SGSM1: variants seen among roughly 807,000 people sequenced by gnomAD.
SGSM1 encodes the protein RUN and TBC1 domain containing 2.
A neutral mutation model predicts 133.8 loss-of-function variants in SGSM1; 73 were observed. That is an observed-to-expected ratio of 0.55 (90% confidence interval 0.45 to 0.66). The LOEUF (loss-of-function observed/expected upper bound fraction) is 0.66. Among genes scored for constraint, SGSM1 ranks in the 30% least tolerant of loss-of-function variants. The pLI, the probability that SGSM1 is intolerant of heterozygous loss-of-function variation, is 0.00. For synonymous variants in SGSM1, 563 were observed against 573.0 expected, an observed-to-expected ratio of 0.98 and a Z score of 0.25; for missense variants, 1,213 against 1,448.1, an observed-to-expected ratio of 0.84 and a Z score of 2.64.
intron 16 of SGSM1, among the ~76,000 whole-genome samples, chr22:24,891,890 G>T (rs929291564): frequency 3.3e-5 from 5 of 152,144 alleles, no homozygotes; most frequent in Admixed American, 6.6e-5. Flanking sequence ...AGGTCTGGAG[G>T]GGAGACCAGC....
chr22:24,912,266 T>G (rs1933655281), intron 21 of SGSM1, among the ~76,000 whole-genome samples: 2 of 152,234 alleles, frequency 1.3e-5, no homozygotes, highest in Admixed American at 1.3e-4. Context: ...GTGTCCGTAT[T>G]GGTTCAACAA....
chr22:24,840,775 A>G (rs1277983283), intron 2 of SGSM1, among the ~76,000 whole-genome samples: 1 of 151,554 alleles, frequency 6.6e-6, no homozygotes, highest in Non-Finnish European at 1.5e-5. Context: ...TCCAGCTGTA[A>G]GTTCCTTCTT....
chr22:24,856,984 G>A (rs1230652396), intron 8 of SGSM1, among the ~76,000 whole-genome samples: 1 of 151,742 alleles, frequency 6.6e-6, no homozygotes, highest in South Asian at 2.1e-4. Context: ...TAGCCAGGAT[G>A]GTATCAATCT....
At chr22:24,890,983 G>T (rs1331754976) in intron 16 of SGSM1, among the ~76,000 whole-genome samples, 1 of 152,182 alleles carries the variant, frequency 6.6e-6, no homozygotes, top group East Asian at 1.9e-4. Flanking sequence ...TAAACGAGAA[G>T]CCAGTATAAC....
intron 4 of SGSM1, among the ~76,000 whole-genome samples, chr22:24,848,286 A>G (rs1220985935): frequency 6.6e-6 from 1 of 152,052 alleles, no homozygotes; most frequent in African/African-American, 2.4e-5. Context: ...AGTGCCTGCT[A>G]GGACCCACGG....
chr22:24,838,533 A>G (rs1000983187), intron 2 of SGSM1, among the ~76,000 whole-genome samples: 1 of 152,324 alleles, frequency 6.6e-6, no homozygotes, highest in East Asian at 1.9e-4. Context: ...TGAGGAAGGA[A>G]CTCAGATAAA....
At chr22:24,823,813 G>A (rs1290021060) in intron 2 of SGSM1, among the ~76,000 whole-genome samples, 1 of 151,948 alleles carries the variant, frequency 6.6e-6, no homozygotes, top group Non-Finnish European at 1.5e-5. Context: ...GGGAGGCTGA[G>A]GCGGGAGGAT....
intron 23 of SGSM1, among the ~76,000 whole-genome samples, chr22:24,918,731 T>C (rs1933904950): frequency 1.3e-5 from 2 of 149,888 alleles, no homozygotes; most frequent in African/African-American, 4.9e-5. Flanking sequence ...TTGCTTTTCT[T>C]TTTTTTTTTC....
chr22:24,870,132 G>A (rs1018730827), intron 12 of SGSM1, among the ~76,000 whole-genome samples: 3 of 152,188 alleles, frequency 2.0e-5, no homozygotes, highest in Non-Finnish European at 2.9e-5. Context: ...CCCCTTAAGC[G>A]CTACAGTGTC....
At chr22:24,920,742 G>C (rs1933976984) in intron 24 of SGSM1, among the ~76,000 whole-genome samples, 1 of 152,210 alleles carries the variant, frequency 6.6e-6, no homozygotes, top group African/African-American at 2.4e-5. Flanking sequence ...CTTAATTTAA[G>C]TAAACTTTTT....
intron 15 of SGSM1, 50 bp downstream of exon 15, chr22:24,884,248 G>T (rs753714316): frequency 3.2e-6 from 5 of 1,562,626 alleles, no homozygotes; most frequent in Middle Eastern, 3.4e-4. Context: ...CTGCAGGGGG[G>T]TCATCTTATT....
intron 2 of SGSM1, among the ~76,000 whole-genome samples, chr22:24,818,065 C>CACATGATGAAACCCTG (rs1316908577): frequency 6.6e-6 from 1 of 151,568 alleles, no homozygotes; most frequent in African/African-American, 2.4e-5. Context: ...AACCCTGTCT[C>CACATGATGAAACCCTG]TACTGAAAAT....
intron 12 of SGSM1, among the ~76,000 whole-genome samples, chr22:24,869,663 C>G (rs1931668172): frequency 6.6e-6 from 1 of 152,166 alleles, no homozygotes; most frequent in African/African-American, 2.4e-5. Flanking sequence ...CATTGTAGAG[C>G]CCATAGAGTA....
In SGSM1 at chr22:24,917,714, C is replaced by T. The variant is rs1360013660; in HGVS notation, c.2985C>T (p.Phe995=). 1.2e-6 allele frequency: 2 copies of T among 1,613,982 alleles called. No individual in the cohort carries two copies. The highest frequency in any genetic ancestry group is 1.7e-6 in the Non-Finnish European group (2 of 1,179,954). The change falls in exon 23 of 25, where the codon TTC becomes TTT. Residue 995 remains phenylalanine, a synonymous_variant. Coordinates refer to ENST00000400358, the MANE Select transcript of SGSM1 (RefSeq NM_001098497.3). ...ATCAGAACGGGGACTATACTCACTT[C>T]TACTTCTGCTACCGCTGGTTCCTGC... The part of the protein sequence containing the change: ...LMHQNGDYTH[F]YFCYRWFLLD...
At chr22:24,844,529 A>G in intron 2 of SGSM1, 1 of 170,016 alleles carries the variant, frequency 5.9e-6, no homozygotes, top group Non-Finnish European at 1.2e-5. Context: ...TCCGTCTAAA[A>G]AAAAAAAGAA....
intron 2 of SGSM1, among the ~76,000 whole-genome samples, chr22:24,818,567 T>C (rs2147789856): frequency 6.6e-6 from 1 of 151,864 alleles, no homozygotes; most frequent in South Asian, 2.1e-4. Context: ...GGGTTTCACC[T>C]TGTTGGTCAG....
At chr22:24,825,976 C>G (rs576552780) in intron 2 of SGSM1, among the ~76,000 whole-genome samples, 1 of 151,978 alleles carries the variant, frequency 6.6e-6, no homozygotes, top group Non-Finnish European at 1.5e-5. Flanking sequence ...ACAGCTGGCC[C>G]GGGTGATTTT....
chr22:24,853,731 C>T (rs371639734), intron 5 of SGSM1, among the ~76,000 whole-genome samples: 232 of 151,288 alleles, frequency 1.5e-3, no homozygotes, highest in African/African-American at 5.5e-3. Flanking sequence ...CTCAGCCTCC[C>T]GAGTAGCTGG....
intron 9 of SGSM1, among the ~76,000 whole-genome samples, chr22:24,865,405 GAC>G (rs1931391193): frequency 6.6e-6 from 1 of 152,178 alleles, no homozygotes; most frequent in South Asian, 2.1e-4. Flanking sequence ...GTCCTCGAAG[GAC>G]ATTTACTTCC....
Sources: gnomAD v4.1 joint callset for allele counts (sites outside exome capture counted in the v4.1 genomes callset) on GRCh38, gnomAD v4.1.1 for gene constraint, MANE v1.5 for transcripts, NCBI Gene and HGNC (gene_info 2026-07-23, HGNC 2026-07-21) for gene names.